Variants in SERPINE2 observed in about 807,000 individuals in gnomAD.
SERPINE2 encodes the protein serpin family E member 2, also known as glia-derived nexin.
In SERPINE2, 14 loss-of-function variants were observed where a neutral mutation model predicts 36.3. The observed-to-expected ratio is 0.39, with a 90% CI of 0.25 to 0.60. The LOEUF (loss-of-function observed/expected upper bound fraction) is 0.60. SERPINE2 is among the 20% of genes least tolerant of loss of function. SERPINE2 has a pLI of 0.57. For synonymous variants in SERPINE2, 192 were observed against 191.8 expected, an observed-to-expected ratio of 1.00 and a Z score of -0.01; for missense variants, 418 against 499.6, an observed-to-expected ratio of 0.84 and a Z score of 1.56.
intron 1 of SERPINE2, among the ~76,000 whole-genome samples, chr2:224,009,794 C>T (rs1691562353): frequency 6.6e-6 from 1 of 152,182 alleles, no homozygotes; most frequent in South Asian, 2.1e-4. Flanking sequence ...GTCCAGCATT[C>T]AGACCAAACA....
intron 1 of SERPINE2, among the ~76,000 whole-genome samples, chr2:224,025,944 T>C (rs187578426): frequency 6.6e-6 from 1 of 152,374 alleles, no homozygotes; most frequent in East Asian, 1.9e-4. Flanking sequence ...CCATTTCCTC[T>C]TCTTGCCAAC....
chr2:224,031,443 G>T, intron 1 of SERPINE2: 2 of 985,606 alleles, frequency 2.0e-6, no homozygotes, highest in Non-Finnish European at 2.4e-6. Context: ...CAGGCAGCAC[G>T]GTCCTCTCCA....
intron 8 of SERPINE2, among the ~76,000 whole-genome samples, chr2:223,977,193 A>T (rs1307426690): frequency 1.3e-5 from 2 of 152,226 alleles, no homozygotes; most frequent in Admixed American, 6.5e-5. Flanking sequence ...ACTAATACAC[A>T]AAAGTTGAAG....
rs575732940 is a variant in SERPINE2, at chr2:223,983,906, C to T, written c.884+846G>A. 1.1e-3 allele frequency among the ~76,000 whole-genome samples: 161 copies of T among 150,962 alleles called. 1 individual carries two copies. The highest frequency in any genetic ancestry group is 3.4e-3 in the African/African-American group (139 of 41,030). ...CCTGTTCTTCACCCATTGAGGCCTA[C>T]GATGCCACCATCTTATTTATTTATT... On this transcript the variant is annotated intron_variant, in intron 5 of 8. Transcript: ENST00000409304.
At chr2:223,981,901 G>A (rs1186662971) in intron 6 of SERPINE2, 2 of 151,920 alleles carry the variant, frequency 1.3e-5, no homozygotes, top group African/African-American at 4.8e-5. Flanking sequence ...GTGAATGACT[G>A]CAGTCTTGAC....
intron 1 of SERPINE2, among the ~76,000 whole-genome samples, chr2:224,028,422 G>GTTT (rs1302802449): frequency 1.3e-5 from 2 of 152,194 alleles, no homozygotes; most frequent in Non-Finnish European, 2.9e-5. Context: ...AACCAAGTTT[G>GTTT]TTTGACCTCT....
chr2:224,004,424 G>C (rs1691313576), intron 1 of SERPINE2, among the ~76,000 whole-genome samples: 1 of 152,176 alleles, frequency 6.6e-6, no homozygotes, highest in Non-Finnish European at 1.5e-5. Context: ...TATCAACTCA[G>C]CCCGTCTAAA....
At chr2:224,005,067 A>T (rs1261504314) in intron 1 of SERPINE2, among the ~76,000 whole-genome samples, 22 of 8,218 alleles carry the variant, frequency 2.7e-3, no homozygotes, top group East Asian at 7.8e-3. Flanking sequence ...TATATATATT[A>T]TATATATATA....
At chr2:224,000,489 T>G (rs1406544677) in intron 2 of SERPINE2, among the ~76,000 whole-genome samples, 1 of 152,194 alleles carries the variant, frequency 6.6e-6, no homozygotes, top group Non-Finnish European at 1.5e-5. Context: ...AACAATTTTT[T>G]TAGCTCGCTC....
At chr2:223,995,220 GC>G (rs1369766004) in intron 3 of SERPINE2, among the ~76,000 whole-genome samples, 1 of 152,160 alleles carries the variant, frequency 6.6e-6, no homozygotes, top group Non-Finnish European at 1.5e-5. Context: ...CCTGCAAAAG[GC>G]CTGCGCGTTG....
intron 4 of SERPINE2, among the ~76,000 whole-genome samples, chr2:223,990,514 C>T (rs1690620731): frequency 6.6e-6 from 1 of 151,676 alleles, no homozygotes; most frequent in South Asian, 2.1e-4. Context: ...GAACTATTAA[C>T]TTGTTTTTTT....
At chr2:224,032,375 C>T (rs1397521908) in intron 1 of SERPINE2, among the ~76,000 whole-genome samples, 2 of 152,078 alleles carry the variant, frequency 1.3e-5, no homozygotes, top group African/African-American at 4.8e-5. Flanking sequence ...TTTTCTATAG[C>T]TATATTTGCT....
chr2:224,031,480 A>G lies in SERPINE2; in HGVS notation c.-23+7619T>C, dbSNP rs562609539. The G allele has an allele frequency of 9.1e-6, 9 of 985,506 alleles. No individual in the cohort carries two copies. In the African/African-American group the frequency reaches 1.6e-4, roughly 17 times the overall value. 61.0% of individuals were successfully genotyped at this position (985,506 alleles called of 1,614,324 possible). A position where few individuals can be genotyped will look rare whatever the true frequency, so the allele number is the denominator to read the frequency against. ...TCCCTTTCCTCCTAACCAAGGATTG[A>G]CCATGTGATTTGGGATTCAGCCAAT... is the stretch of plus-strand genomic sequence containing the variant. On this transcript the variant is annotated intron_variant, in intron 1 of 8. Coordinates refer to ENST00000409304, the MANE Select transcript of SERPINE2 (RefSeq NM_001136528.2).
chr2:224,036,029 G>A (rs577322837), intron 1 of SERPINE2, among the ~76,000 whole-genome samples: 4 of 152,256 alleles, frequency 2.6e-5, no homozygotes, highest in Non-Finnish European at 4.4e-5. Flanking sequence ...ACAATGAAGC[G>A]GATATGGGGT....
chr2:224,019,044 G>C lies in SERPINE2; in HGVS notation c.-22-17122C>G, dbSNP rs138119090. ...CCATAGGCTCTGAGTCGGCCTGTCT[G>C]GTCTGGATTTGGCTTCCTTTTCCAC... is the stretch of plus-strand genomic sequence containing the variant. On this transcript the variant is annotated intron_variant, in intron 1 of 8. Transcript: ENST00000409304. Among the ~76,000 whole-genome samples the C allele has an allele frequency of 5.6e-3, 851 of 152,256 alleles. 9 individuals are homozygous for C. The highest frequency in any genetic ancestry group is 0.019 in the African/African-American group (797 of 41,536).
intron 1 of SERPINE2, among the ~76,000 whole-genome samples, chr2:224,032,601 G>T: frequency 6.6e-6 from 1 of 152,294 alleles, no homozygotes; most frequent in East Asian, 1.9e-4. Context: ...TTATATTAAA[G>T]TCTCCTCATA....
chr2:223,980,394 G>T lies in SERPINE2; in HGVS notation c.989C>A (p.Ser330Ter). ...GATATGAGAAACATGGAGGTTTTCT[G>T]ACCCTGCTTCCAGAAAATAAAACAG... ...SKANFAKITR[S>*]ENLHVSHILQ... The change falls in exon 7 of 9, where the codon TCA becomes TAA. Residue 330 changes from serine (S) to a stop codon, truncating the protein, a stop_gained. Transcript: ENST00000409304. LOFTEE classifies it high-confidence loss of function. The T allele has an allele frequency of 6.2e-7, 1 of 1,613,732 alleles. No individual in the cohort carries two copies. Among genetic ancestry groups the T allele is most frequent in the South Asian group, 1.1e-5 (1 of 91,036 alleles).
intron 1 of SERPINE2, among the ~76,000 whole-genome samples, chr2:224,016,430 C>T (rs1485844142): frequency 2.6e-5 from 4 of 151,576 alleles, no homozygotes; most frequent in South Asian, 2.1e-4. Context: ...CGCTTGAACC[C>T]GGGAGATGGA....
chr2:224,021,781 T>C (rs1336680919), intron 1 of SERPINE2, among the ~76,000 whole-genome samples: 10 of 152,192 alleles, frequency 6.6e-5, no homozygotes, highest in Non-Finnish European at 1.0e-4. Flanking sequence ...ATCCCAACTT[T>C]AAGAGGCCAA....
Sources: allele counts gnomAD v4.1 joint callset (sites outside exome capture counted in the v4.1 genomes callset), GRCh38; gene constraint gnomAD v4.1.1; transcripts MANE v1.5; gene names NCBI Gene and HGNC (gene_info 2026-07-23, HGNC 2026-07-21).